Variants in CTIF observed in about 807,000 individuals in gnomAD.
The protein encoded by CTIF is cap binding complex dependent translation initiation factor.
A neutral mutation model predicts 66.0 loss-of-function variants in CTIF; 21 were observed. The ratio of observed to expected loss-of-function variants is 0.32; its 90% CI spans 0.23 to 0.46. The LOEUF (loss-of-function observed/expected upper bound fraction) is 0.46, where lower values mean the gene tolerates loss of function less well. CTIF is among the 20% of genes least tolerant of loss of function. The probability of loss-of-function intolerance (pLI) is 1.00; values close to 1 mark genes in which losing one functional copy is unlikely to be tolerated. For synonymous variants in CTIF, 345 were observed against 326.4 expected, an observed-to-expected ratio of 1.06 and a Z score of -0.62; for missense variants, 739 against 812.7, an observed-to-expected ratio of 0.91 and a Z score of 1.10.
rs905888880 is a variant in CTIF, at chr18:48,790,347, T to C, written c.1372-26874T>C. Among the ~76,000 whole-genome samples the C allele has an allele frequency of 3.3e-5, 5 of 152,294 alleles. No homozygotes were observed. In the South Asian group the frequency reaches 1.0e-3, roughly 32 times the overall value. On this transcript the variant is annotated intron_variant, in intron 9 of 11. Transcript: ENST00000256413. ...GGCAGGGAGTGTGAGCAAAGGTCCA[T>C]GGCAAGGAGTTACAGCGGTGCTTCT...
At chr18:48,788,301 C>G (rs1911901819) in intron 9 of CTIF, among the ~76,000 whole-genome samples, 1 of 152,170 alleles carries the variant, frequency 6.6e-6, no homozygotes, top group African/African-American at 2.4e-5. Context: ...CTGAGCACTT[C>G]CCACATAAAA....
chr18:48,560,769 C>T (rs1371984674), intron 1 of CTIF, among the ~76,000 whole-genome samples: 9 of 151,904 alleles, frequency 5.9e-5, no homozygotes, highest in African/African-American at 1.7e-4. Context: ...GACAGGGTTC[C>T]ACCACGTTGC....
intron 1 of CTIF, among the ~76,000 whole-genome samples, chr18:48,557,821 C>A (rs1375308489): frequency 6.6e-6 from 1 of 152,228 alleles, no homozygotes; most frequent in Admixed American, 6.5e-5. Context: ...GGTCTCTCCT[C>A]TGTGTTTGTG....
intron 1 of CTIF, among the ~76,000 whole-genome samples, chr18:48,572,045 C>G (rs1225907006): frequency 7.9e-6 from 1 of 126,048 alleles, no homozygotes; most frequent in Admixed American, 7.9e-5. Context: ...TTTCTTCCTT[C>G]TCTTTCTCCT....
intron 9 of CTIF, among the ~76,000 whole-genome samples, chr18:48,763,000 G>A (rs538040297): frequency 3.7e-4 from 57 of 152,296 alleles, no homozygotes; most frequent in African/African-American, 1.3e-3. Context: ...TTCCTGGATC[G>A]CCCGCACTCC....
chr18:48,622,207 G>C (rs2090507903), intron 2 of CTIF, among the ~76,000 whole-genome samples: 5 of 152,166 alleles, frequency 3.3e-5, no homozygotes, highest in Admixed American at 2.6e-4. Context: ...CTGACAGGTG[G>C]TAGGGTCAGT....
At chr18:48,650,149 G>A (rs1463450353) in intron 3 of CTIF, among the ~76,000 whole-genome samples, 1 of 152,230 alleles carries the variant, frequency 6.6e-6, no homozygotes, top group African/African-American at 2.4e-5. Context: ...GACAGAAGTA[G>A]GCTTCAGAAG....
intron 2 of CTIF, among the ~76,000 whole-genome samples, chr18:48,626,657 T>TTTTTG (rs1568084436): frequency 6.5e-4 from 57 of 87,054 alleles, no homozygotes; most frequent in Non-Finnish European, 1.1e-3. Context: ...TTTTTTTTTG[T>TTTTTG]TTTTTTTTTT....
Position 48,635,136 on chromosome 18 carries a change from G to A in CTIF, c.181-1478G>A, listed in dbSNP as rs577190224. The stretch of plus-strand genomic sequence containing the variant: ...CTACCCAGCCTATGTCAACAACATT[G>A]TAAGAATAACATCCATCCTGGACAA... On this transcript the variant is annotated intron_variant, in intron 2 of 11. Coordinates refer to ENST00000256413, the MANE Select transcript of CTIF (RefSeq NM_014772.3). Among the ~76,000 whole-genome samples, 9 of 152,190 alleles carry A rather than the reference G, an allele frequency of 5.9e-5. No individual in the cohort carries two copies. In the South Asian group the frequency reaches 1.9e-3, roughly 32 times the overall value.
chr18:48,797,220 C>A (rs549463923), intron 9 of CTIF, among the ~76,000 whole-genome samples: 10 of 152,232 alleles, frequency 6.6e-5, no homozygotes, highest in Non-Finnish European at 1.5e-4. Flanking sequence ...CGATGGCTCA[C>A]ACCTGTGATC....
At chr18:48,646,578 C>T (rs976290569) in intron 3 of CTIF, among the ~76,000 whole-genome samples, 1 of 151,556 alleles carries the variant, frequency 6.6e-6, no homozygotes, top group Non-Finnish European at 1.5e-5. Flanking sequence ...GAAACACCGT[C>T]TCAACAAAAA....
intron 9 of CTIF, among the ~76,000 whole-genome samples, chr18:48,797,498 G>GT (rs1402650192): frequency 1.4e-5 from 2 of 147,448 alleles, no homozygotes; most frequent in Admixed American, 6.7e-5. Flanking sequence ...GAAAAGGGGT[G>GT]GGGGGGCAAG....
At chr18:48,604,745 C>A (rs1488508479) in intron 1 of CTIF, among the ~76,000 whole-genome samples, 1 of 152,202 alleles carries the variant, frequency 6.6e-6, no homozygotes, top group Non-Finnish European at 1.5e-5. Context: ...TTCATCACCT[C>A]TAAAAGAAAC....
At chr18:48,670,914 G>A (rs1172376842) in intron 6 of CTIF, among the ~76,000 whole-genome samples, 170 bp downstream of exon 6, 6 of 152,218 alleles carry the variant, frequency 3.9e-5, no homozygotes, top group Non-Finnish European at 8.8e-5. Flanking sequence ...ATTCTCCAGG[G>A]TGTCCCATTG....
chr18:48,630,313 G>A (rs1223004758), intron 2 of CTIF, among the ~76,000 whole-genome samples: 1 of 152,180 alleles, frequency 6.6e-6, no homozygotes, highest in Non-Finnish European at 1.5e-5. Context: ...GTGGGCGACT[G>A]TGCATGTTGC....
At chr18:48,600,659 C>T (rs1292639778) in intron 1 of CTIF, among the ~76,000 whole-genome samples, 1 of 152,026 alleles carries the variant, frequency 6.6e-6, no homozygotes, top group African/African-American at 2.4e-5. Flanking sequence ...TTCTTCTGAG[C>T]TCTGATATCT....
At chr18:48,560,228 T>A (rs1356849207) in intron 1 of CTIF, among the ~76,000 whole-genome samples, 1 of 146,038 alleles carries the variant, frequency 6.8e-6, no homozygotes, top group Non-Finnish European at 1.5e-5. Context: ...TGGAGGCTAT[T>A]TTTTTTTTTT....
intron 3 of CTIF, among the ~76,000 whole-genome samples, chr18:48,649,017 T>A (rs2091105170): frequency 6.6e-6 from 1 of 152,126 alleles, no homozygotes; most frequent in Non-Finnish European, 1.5e-5. Flanking sequence ...ACAGCTCTGG[T>A]CTGCAGCTCC....
intron 1 of CTIF, among the ~76,000 whole-genome samples, chr18:48,618,357 T>C (rs117619765): frequency 0.022 from 3,415 of 152,340 alleles, 72 homozygotes; most frequent in Non-Finnish European, 0.038. Flanking sequence ...TCATGTCTTC[T>C]CTGTGCTTTC....
Sources: gnomAD v4.1 joint callset for allele counts (sites outside exome capture counted in the v4.1 genomes callset) on GRCh38, gnomAD v4.1.1 for gene constraint, MANE v1.5 for transcripts, NCBI Gene and HGNC (gene_info 2026-07-23, HGNC 2026-07-21) for gene names.